The following BICD2 variants were observed in gnomAD, a reference collection of about 807,000 sequenced individuals.
The protein encoded by BICD2 is protein bicaudal D homolog 2.
Under a neutral mutation model 72.9 loss-of-function variants are expected in BICD2, and 25 were observed. The ratio of observed to expected loss-of-function variants is 0.34; its 90% CI spans 0.25 to 0.48. The LOEUF is 0.48. Among genes scored for constraint, BICD2 ranks in the 20% least tolerant of loss-of-function variants. The pLI, the probability that BICD2 is intolerant of heterozygous loss-of-function variation, is 0.99. For synonymous variants in BICD2, 501 were observed against 516.1 expected, an observed-to-expected ratio of 0.97 and a Z score of 0.40; for missense variants, 894 against 1,175.2, an observed-to-expected ratio of 0.76 and a Z score of 3.50.
intron 1 of BICD2, among the ~76,000 whole-genome samples, chr9:92,762,849 G>A (rs1221040985): frequency 1.3e-5 from 2 of 152,178 alleles, no homozygotes; most frequent in Admixed American, 6.5e-5. Flanking sequence ...GCTTCACTGT[G>A]TGCAGAGGGA....
intron 1 of BICD2, among the ~76,000 whole-genome samples, chr9:92,755,622 C>T (rs1391293508): frequency 3.3e-5 from 5 of 152,174 alleles, no homozygotes; most frequent in Admixed American, 2.6e-4. Flanking sequence ...AAAGAACTTA[C>T]GTGAATATCG....
At position 92,719,460 on chromosome 9, in the gene BICD2, A is replaced by T. The variant is rs373861721; in HGVS notation, c.1185T>A (p.Ser395Arg). 4 of 1,613,862 alleles carry T rather than the reference A, an allele frequency of 2.5e-6. No individual in the cohort carries two copies. Among genetic ancestry groups the T allele is most frequent in the African/African-American group, 1.3e-5 (1 of 74,900 alleles). Residue 395 changes from serine (S) to arginine (R), a missense_variant, in exon 5 of 7, where the codon AGT becomes AGA. Transcript: ENST00000356884. ...EKVTRLTENL[S>R]ALRRLQASKE... ...TGCTGGCCTGCAGGCGCCGCAGGGC[A>T]CTCAGATTCTCTGTGAGGCGGGTCA...
chr9:92,741,817 A>G (rs756887604), intron 1 of BICD2, among the ~76,000 whole-genome samples: 2 of 152,202 alleles, frequency 1.3e-5, no homozygotes, highest in Admixed American at 1.3e-4. Context: ...CTAAATTCCT[A>G]TTTTTTGCAG....
Position 92,713,946 on chromosome 9 carries a change from C to T in BICD2, c.*1208G>A. 1 of 990,512 alleles carries T rather than the reference C, an allele frequency of 1.0e-6. No individual in the cohort carries two copies. The highest frequency in any genetic ancestry group is 4.6e-5 in the South Asian group (1 of 21,766). 61.4% of individuals were successfully genotyped at this position (990,512 alleles called of 1,614,324 possible). A position where few individuals can be genotyped will look rare whatever the true frequency, so the allele number is the denominator to read the frequency against. On this transcript the variant is annotated 3_prime_UTR_variant, in exon 7 of 7. Transcript: ENST00000356884. Reference sequence around the variant, plus strand: ...CAGCCTGCAGGAGAGAAGACTGCAGCCTCAGGTCCAGCTGGTCCCACAGGG... The same window carrying T: ...CAGCCTGCAGGAGAGAAGACTGCAGTCTCAGGTCCAGCTGGTCCCACAGGG...
intron 2 of BICD2, among the ~76,000 whole-genome samples, chr9:92,728,675 C>T (rs1320329567): frequency 6.6e-6 from 1 of 152,236 alleles, no homozygotes; most frequent in Non-Finnish European, 1.5e-5. Flanking sequence ...AGTCCAATGA[C>T]GAGGAGTGCC....
intron 2 of BICD2, among the ~76,000 whole-genome samples, chr9:92,727,923 C>A (rs550313066): frequency 6.6e-6 from 1 of 152,212 alleles, no homozygotes; most frequent in African/African-American, 2.4e-5. Context: ...CTGCCACATG[C>A]CTTCTAGGAG....
rs1479223275 is a variant in BICD2 at position 92,720,774 on chromosome 9, G to A, written c.607-19C>T. On this transcript the variant is annotated intron_variant, in intron 3 of 6. Coordinates refer to ENST00000356884, the MANE Select transcript of BICD2 (RefSeq NM_001003800.2). This position sits in a 1 kb window ranked among gnomAD's most constrained non-coding sequence, Gnocchi z 5.4. ...ACTCCACCTGGGAAGAGAAGTCAAC[G>A]CTCTTGCATCAATGCAATGTGGAAG... 3.7e-6 allele frequency: 6 copies of A among 1,608,036 alleles called. No homozygotes were observed. Among genetic ancestry groups the A allele is most frequent in the East Asian group, 2.2e-5 (1 of 44,806 alleles).
In BICD2 at chr9:92,764,669, C is replaced by T; in HGVS notation, c.76G>A (p.Val26Met). ...GCCAGCTCGTGGGACAGCCGCTTCA[C>T]CTCGGCGCGCAGCCACTCCGGCTGC... is the stretch of plus-strand genomic sequence containing the variant. ...EAQPEWLRAE[V>M]KRLSHELAET... Residue 26 changes from valine (V) to methionine (M), a missense_variant, in exon 1 of 7, where the codon GTG (valine) becomes ATG (methionine). Coordinates refer to ENST00000356884, the MANE Select transcript of BICD2 (RefSeq NM_001003800.2). This position sits in a 1 kb window ranked among gnomAD's most constrained non-coding sequence, Gnocchi z 5.5. The T allele has an allele frequency of 6.3e-7, 1 of 1,590,372 alleles. No homozygotes were observed. Among genetic ancestry groups the T allele is most frequent in the Non-Finnish European group, 8.5e-7 (1 of 1,171,958 alleles).
At chr9:92,762,551 C>A (rs10992453) in intron 1 of BICD2, among the ~76,000 whole-genome samples, 28,621 of 151,946 alleles carry the variant, frequency 0.19, 3,825 homozygotes, top group East Asian at 0.72. Context: ...AGCAAGCAGA[C>A]GCCTAAAGAG....
chr9:92,751,135 TTGTTG>T (rs1175442263), intron 1 of BICD2, among the ~76,000 whole-genome samples: 1 of 107,026 alleles, frequency 9.3e-6, no homozygotes, highest in Non-Finnish European at 2.2e-5. Context: ...GGTTGGTTTT[TTGTTG>T]TTGTTGTTGT....
At chr9:92,726,439 C>T (rs1853569166) in intron 2 of BICD2, among the ~76,000 whole-genome samples, 1 of 152,118 alleles carries the variant, frequency 6.6e-6, no homozygotes, top group Admixed American at 6.6e-5. Context: ...CCCTTTCTGA[C>T]CCATGGGGTG....
At chr9:92,747,311 C>T (rs1426606575) in intron 1 of BICD2, among the ~76,000 whole-genome samples, 2 of 152,204 alleles carry the variant, frequency 1.3e-5, no homozygotes, top group Admixed American at 6.5e-5. Flanking sequence ...CGGCCTAGTG[C>T]GAGAGGCTGG....
intron 6 of BICD2, among the ~76,000 whole-genome samples, chr9:92,716,919 C>T (rs950859416): frequency 4.6e-5 from 7 of 152,202 alleles, no homozygotes; most frequent in Non-Finnish European, 1.0e-4. Context: ...CTCCTCCAAG[C>T]CCCGGCCCTC....
intron 5 of BICD2, among the ~76,000 whole-genome samples, chr9:92,718,301 T>C (rs1853365954): frequency 6.6e-6 from 1 of 152,226 alleles, no homozygotes; most frequent in African/African-American, 2.4e-5. Context: ...GGCAGCGGCA[T>C]TTCTCACTGG....
intron 6 of BICD2, 52 bp from the exon 7 acceptor site, chr9:92,715,515 G>A (rs912822397): frequency 6.6e-7 from 1 of 1,503,840 alleles, no homozygotes. Context: ...AGCAGAGGAG[G>A]GCAGGGCAGG....
rs200133999 is a variant in BICD2, at chr9:92,717,862, A to G, written c.2193T>C (p.Asn731=). The G allele has an allele frequency of 4.3e-6, 7 of 1,613,098 alleles. No homozygotes were observed. The highest frequency in any genetic ancestry group is 2.2e-5 in the East Asian group (1 of 44,876). ...CGTCCTCCTTGAGGGCCTTGAGCTCATTGCGCAGCTTCATCATGGTCTCGG... is the reference window on the plus strand; with the variant it reads ...CGTCCTCCTTGAGGGCCTTGAGCTCGTTGCGCAGCTTCATCATGGTCTCGG... The part of the protein sequence containing the change: ...MVTETMMKLR[N]ELKALKEDAA... The change falls in exon 6 of 7, where the codon AAT becomes AAC. Residue 731 remains asparagine (N), a synonymous_variant. Coordinates refer to ENST00000356884, the MANE Select transcript of BICD2 (RefSeq NM_001003800.2).
chr9:92,724,934 G>A (rs533670479), intron 2 of BICD2, among the ~76,000 whole-genome samples: 20 of 152,298 alleles, frequency 1.3e-4, no homozygotes, highest in African/African-American at 4.3e-4. Flanking sequence ...GATTCAACGC[G>A]GCCACCCAGC....
chr9:92,716,573 C>A (rs543928608), intron 6 of BICD2, among the ~76,000 whole-genome samples: 1 of 152,346 alleles, frequency 6.6e-6, no homozygotes, highest in African/African-American at 2.4e-5. Context: ...TCAGCTTGCT[C>A]ACCCATAAAA....
intron 1 of BICD2, among the ~76,000 whole-genome samples, chr9:92,742,992 G>T (rs1006431920): frequency 6.6e-6 from 1 of 152,044 alleles, no homozygotes; most frequent in Non-Finnish European, 1.5e-5. Context: ...CCACTTTTAG[G>T]CTATTATAAG....
Sources: allele counts gnomAD v4.1 joint callset (sites outside exome capture counted in the v4.1 genomes callset), GRCh38; gene constraint gnomAD v4.1.1; non-coding constraint Gnocchi (gnomAD v3.1); transcripts MANE v1.5; gene names NCBI Gene and HGNC (gene_info 2026-07-23, HGNC 2026-07-21).